CHRNA7: variants seen among roughly 807,000 people sequenced by gnomAD.
CHRNA7 encodes cholinergic receptor nicotinic alpha 7 subunit, also known as neuronal acetylcholine receptor subunit alpha-7.
Under a neutral mutation model 48.0 loss-of-function variants are expected in CHRNA7, and 17 were observed. The ratio of observed to expected loss-of-function variants is 0.35; its 90% confidence interval spans 0.24 to 0.53. The LOEUF is 0.53. Among genes scored for constraint, CHRNA7 ranks in the 20% least tolerant of loss-of-function variants. CHRNA7 has a pLI of 0.92. For synonymous variants in CHRNA7, 75 were observed against 242.3 expected, an observed-to-expected ratio of 0.31 and a Z score of 6.41; for missense variants, 155 against 577.7, an observed-to-expected ratio of 0.27 and a Z score of 7.50.
chr15:32,092,098 T>C (rs1245677147), intron 2 of CHRNA7, among the ~76,000 whole-genome samples: 1 of 152,228 alleles, frequency 6.6e-6, no homozygotes, highest in Non-Finnish European at 1.5e-5. Flanking sequence ...GTAATGGATG[T>C]AATCTCTTGG....
At chr15:32,072,317 T>C (rs1018074438) in intron 2 of CHRNA7, among the ~76,000 whole-genome samples, 2 of 152,216 alleles carry the variant, frequency 1.3e-5, no homozygotes, top group Admixed American at 1.3e-4. Context: ...TACTGTCAGA[T>C]GCAGGAGCGA....
intron 2 of CHRNA7, among the ~76,000 whole-genome samples, chr15:32,081,420 A>G (rs2050213629): frequency 6.6e-6 from 1 of 151,952 alleles, no homozygotes; most frequent in African/African-American, 2.4e-5. Flanking sequence ...TCTTTTTTAT[A>G]TTTTACCTGC....
At chr15:32,137,974 A>T (rs2051302511) in intron 4 of CHRNA7, among the ~76,000 whole-genome samples, 1 of 152,192 alleles carries the variant, frequency 6.6e-6, no homozygotes, top group African/African-American at 2.4e-5. Context: ...AGGAAACCCT[A>T]AAGGCTTTTA....
intron 2 of CHRNA7, among the ~76,000 whole-genome samples, chr15:32,048,473 T>C (rs2049597842): frequency 6.6e-6 from 1 of 152,260 alleles, no homozygotes; most frequent in South Asian, 2.1e-4. Context: ...GTTTGTAGTA[T>C]TCTCTGATGA....
At chr15:32,132,746 T>C (rs7175359) in intron 4 of CHRNA7, among the ~76,000 whole-genome samples, 86,975 of 151,974 alleles carry the variant, frequency 0.57, 25,558 homozygotes, top group African/African-American at 0.7. Flanking sequence ...AGAATAGGGC[T>C]CTACCCCTGT....
intron 4 of CHRNA7, among the ~76,000 whole-genome samples, chr15:32,147,405 A>G (rs2051512084): frequency 6.6e-6 from 1 of 152,190 alleles, no homozygotes; most frequent in Non-Finnish European, 1.5e-5. Flanking sequence ...AATAAAAATC[A>G]AAATATGAAC....
At chr15:32,099,194 A>G (rs547836377) in intron 2 of CHRNA7, 12 of 152,462 alleles carry the variant, frequency 7.9e-5, no homozygotes, top group African/African-American at 2.6e-4. Context: ...CTGCGTGTGC[A>G]TAGGGGCAGC....
At chr15:32,059,337 C>T (rs1463754522) in intron 2 of CHRNA7, among the ~76,000 whole-genome samples, 1 of 152,084 alleles carries the variant, frequency 6.6e-6, no homozygotes, top group African/African-American at 2.4e-5. Context: ...ATGCAGTAGC[C>T]AAGATAATTG....
chr15:32,142,754 C>T (rs561524850), intron 4 of CHRNA7, among the ~76,000 whole-genome samples: 32 of 152,114 alleles, frequency 2.1e-4, no homozygotes, highest in Non-Finnish European at 4.4e-4. Context: ...TCTGTGAGAT[C>T]GGTGGTGATA....
intron 2 of CHRNA7, among the ~76,000 whole-genome samples, chr15:32,074,779 T>C (rs1032436207): frequency 6.6e-6 from 1 of 151,764 alleles, no homozygotes; most frequent in Non-Finnish European, 1.5e-5. Flanking sequence ...TCCCGAGTAG[T>C]TGGGATTACA....
chr15:32,105,920 C>G (rs915355429), intron 3 of CHRNA7, among the ~76,000 whole-genome samples: 3 of 152,128 alleles, frequency 2.0e-5, no homozygotes, highest in African/African-American at 7.2e-5. Context: ...AGTCATCTAG[C>G]CAGTGCCTGT....
At chr15:32,115,745 A>T (rs1198696668) in intron 4 of CHRNA7, among the ~76,000 whole-genome samples, 1 of 152,068 alleles carries the variant, frequency 6.6e-6, no homozygotes, top group Non-Finnish European at 1.5e-5. Flanking sequence ...TCTTAGGGGC[A>T]CCTAGCAGGG....
At chr15:32,108,925 C>T (rs1461447229) in intron 3 of CHRNA7, among the ~76,000 whole-genome samples, 1 of 152,150 alleles carries the variant, frequency 6.6e-6, no homozygotes, top group African/African-American at 2.4e-5. Context: ...CTCTGCCAGA[C>T]CCTTGGTGCA....
chr15:32,139,777 G>A (rs2051344029), intron 4 of CHRNA7, among the ~76,000 whole-genome samples: 2 of 151,972 alleles, frequency 1.3e-5, no homozygotes, highest in East Asian at 1.9e-4. Flanking sequence ...ATTATTAGAT[G>A]TGTCTTTTGC....
intron 2 of CHRNA7, among the ~76,000 whole-genome samples, chr15:32,038,509 TG>T (rs1195559984): frequency 6.6e-6 from 1 of 152,190 alleles, no homozygotes; most frequent in African/African-American, 2.4e-5. Flanking sequence ...TAATTCTTTT[TG>T]TACATTGTTG....
At chr15:32,154,688 ATG>A (rs1361720916) in intron 5 of CHRNA7, among the ~76,000 whole-genome samples, 2 of 69,016 alleles carry the variant, frequency 2.9e-5, no homozygotes, top group Non-Finnish European at 5.0e-5. Context: ...AAGATTTTTA[ATG>A]TGTTTATTCC....
At position 32,080,990 on chromosome 15, in the gene CHRNA7, T is replaced by G. The variant is rs142965826; in HGVS notation, c.196-20313T>G. On this transcript the variant is annotated intron_variant, in intron 2 of 9. Transcript: ENST00000306901. ...GAAATGAGATCATGTCCTCTACAGG[T>G]ACATGGATGAAGCTGGAAGCCATTA... Among the ~76,000 whole-genome samples, 565 of 152,174 alleles carry G rather than the reference T, an allele frequency of 3.7e-3. 4 individuals are homozygous for G. The highest frequency in any genetic ancestry group is 0.013 in the African/African-American group (531 of 41,502).
At chr15:32,115,900 A>G (rs1246544249) in intron 4 of CHRNA7, among the ~76,000 whole-genome samples, 4 of 152,192 alleles carry the variant, frequency 2.6e-5, no homozygotes, top group African/African-American at 9.6e-5. Context: ...AAGGAAAGAA[A>G]TCATGTAGGC....
intron 4 of CHRNA7, among the ~76,000 whole-genome samples, chr15:32,147,364 A>G (rs987195533): frequency 6.6e-6 from 1 of 152,200 alleles, no homozygotes; most frequent in African/African-American, 2.4e-5. Context: ...TACCCATGTG[A>G]CAAACATGCA....
Sources: allele counts gnomAD v4.1 joint callset (sites outside exome capture counted in the v4.1 genomes callset), GRCh38; gene constraint gnomAD v4.1.1; transcripts MANE v1.5; gene names NCBI Gene and HGNC (gene_info 2026-07-23, HGNC 2026-07-21).